Variants in DDX31 observed in about 807,000 individuals in gnomAD.
The protein encoded by DDX31 is DEAD-box helicase 31.
Under a neutral mutation model 91.3 loss-of-function variants are expected in DDX31, and 70 were observed. The observed-to-expected ratio is 0.77, with a 90% confidence interval of 0.63 to 0.94. DDX31 has a LOEUF of 0.94. Among genes scored for constraint, DDX31 ranks in the 40% least tolerant of loss-of-function variants. The probability of loss-of-function intolerance (pLI) is 0.00; values close to 1 mark genes in which losing one functional copy is unlikely to be tolerated. For synonymous variants in DDX31, 362 were observed against 350.6 expected (o/e 1.03, Z -0.36); for missense variants, 902 against 925.0 (o/e 0.98, Z 0.32).
intron 14 of DDX31, among the ~76,000 whole-genome samples, chr9:132,640,418 A>G (rs1412670485): frequency 6.6e-6 from 1 of 152,208 alleles, no homozygotes. Flanking sequence ...AAGGGGGAGT[A>G]GGGTGAAAAG....
At position 132,649,795 on chromosome 9, in the gene DDX31, T is replaced by C. The variant is rs556298402; in HGVS notation, c.740+439A>G. ...TGCAACGATTTTCAACTGACACCCA[T>C]TACAAATCCTAATAAAGGAACAAAC... On this transcript the variant is annotated intron_variant, in intron 9 of 19. Coordinates refer to ENST00000372159, the MANE Select transcript of DDX31 (RefSeq NM_022779.9). Among the ~76,000 whole-genome samples the C allele has an allele frequency of 1.5e-4, 23 of 152,326 alleles. No individual in the cohort carries two copies. In the South Asian group the frequency reaches 4.3e-3, roughly 29 times the overall value.
intron 19 of DDX31, among the ~76,000 whole-genome samples, chr9:132,604,344 T>C (rs1830888571): frequency 6.6e-6 from 1 of 152,152 alleles, no homozygotes. Flanking sequence ...TTAAGAGAAA[T>C]GCCCTAAAGA....
chr9:132,647,947 C>T (rs1008964845), intron 11 of DDX31, among the ~76,000 whole-genome samples: 9 of 152,178 alleles, frequency 5.9e-5, no homozygotes, highest in African/African-American at 2.2e-4. Flanking sequence ...TTTTCTCGTC[C>T]TCATCCCTGC....
At chr9:132,632,551 T>C (rs1172931987) in intron 14 of DDX31, among the ~76,000 whole-genome samples, 6 of 152,108 alleles carry the variant, frequency 3.9e-5, no homozygotes, top group Non-Finnish European at 8.8e-5. Flanking sequence ...AACACATTCA[T>C]GGATTATCAC....
chr9:132,613,026 C>T (rs180743680), intron 18 of DDX31, among the ~76,000 whole-genome samples: 21 of 152,250 alleles, frequency 1.4e-4, no homozygotes, highest in Admixed American at 9.2e-4. Flanking sequence ...AATCCTTGTG[C>T]CTCAGACTAC....
At position 132,669,875 on chromosome 9, in the gene DDX31, TGG is replaced by T; in HGVS notation, c.58_59del (p.Pro20SerfsTer19). On this transcript the variant is annotated frameshift_variant, in exon 1 of 20. Transcript: ENST00000372159. LOFTEE classifies it high-confidence loss of function. ...CAGAACTCACCCGACTCGCCTGGGC[TGG>T]GGGACGTCTGGAGAACGTCCTGGGG... ...DNPRTFSRRP[P>X]AQASRQAKAT... 1 of 1,592,354 alleles carries T rather than the reference TGG, an allele frequency of 6.3e-7. No individual in the cohort carries two copies. Among genetic ancestry groups the T allele is most frequent in the Non-Finnish European group, 8.5e-7 (1 of 1,170,616 alleles).
intron 19 of DDX31, among the ~76,000 whole-genome samples, chr9:132,603,098 T>TAA (rs1162863344): frequency 2.0e-5 from 3 of 152,296 alleles, no homozygotes; most frequent in Admixed American, 2.0e-4. Flanking sequence ...CTCAGTGAGA[T>TAA]AATGTGCATG....
intron 9 of DDX31, among the ~76,000 whole-genome samples, chr9:132,649,461 T>C (rs1304487170): frequency 1.6e-4 from 25 of 152,200 alleles, no homozygotes; most frequent in Admixed American, 1.5e-3. Flanking sequence ...AATCCTCCCA[T>C]AGTGGCACAA....
In DDX31 at chr9:132,595,141, A is replaced by C. The variant is rs1248092586; in HGVS notation, c.1995-29T>G. 6.3e-7 allele frequency: 1 copy of C among 1,588,954 alleles called. No individual in the cohort carries two copies. Among genetic ancestry groups the C allele is most frequent in the Non-Finnish European group, 8.6e-7 (1 of 1,166,864 alleles). Reference sequence around the variant, plus strand: ...AAGAACAGTAACAGCAGAGAGGGAAAAGAAACTTTATTATTTTTCTTTCCC... The same window carrying C: ...AAGAACAGTAACAGCAGAGAGGGAACAGAAACTTTATTATTTTTCTTTCCC... On this transcript the variant is annotated intron_variant, in intron 19 of 19. Transcript: ENST00000372159. This position sits in a 1 kb window ranked among gnomAD's most constrained non-coding sequence, Gnocchi z 4.6.
At chr9:132,621,542 T>C (rs1378861291) in intron 17 of DDX31, among the ~76,000 whole-genome samples, 2 of 152,184 alleles carry the variant, frequency 1.3e-5, no homozygotes, top group Admixed American at 6.5e-5. Context: ...AAAGGGACAT[T>C]TACCATGGGC....
At chr9:132,647,310 T>C (rs919318593) in intron 11 of DDX31, among the ~76,000 whole-genome samples, 3 of 152,152 alleles carry the variant, frequency 2.0e-5, no homozygotes, top group Non-Finnish European at 4.4e-5. Flanking sequence ...TAGCAACAGA[T>C]ACTGCGCCCA....
In DDX31 at chr9:132,648,203, G is replaced by A. The variant is rs1256461273; in HGVS notation, c.953C>T (p.Ala318Val). The A allele has an allele frequency of 3.7e-6, 6 of 1,613,180 alleles. No individual in the cohort carries two copies. Among genetic ancestry groups the A allele is most frequent in the East Asian group, 2.2e-5 (1 of 44,882 alleles). The change falls in exon 11 of 20, where the codon GCG becomes GTG. Residue 318 changes from alanine (A) to valine (V), a missense_variant. Physicochemically the swap from Ala to Val is moderately conservative, Grantham distance 64. Coordinates refer to ENST00000372159, the MANE Select transcript of DDX31 (RefSeq NM_022779.9). ...CQKRQNVLLS[A>V]TLTEGVTRLA... is the part of the protein sequence containing the mutation. ...TTTCAACTCACCTTCTGTGAGTGTC[G>A]CTGATAGCAAGACATTCTGTCGTTT...
rs988502950 is a variant in DDX31 at position 132,628,137 on chromosome 9, G to A, written c.1631+2127C>T. Among the ~76,000 whole-genome samples the A allele has an allele frequency of 2.6e-5, 4 of 152,234 alleles. 1 individual carries two copies. Among genetic ancestry groups the A allele is most frequent in the South Asian group, 4.1e-4 (2 of 4,836 alleles). On this transcript the variant is annotated intron_variant, in intron 16 of 19. Coordinates refer to ENST00000372159, the MANE Select transcript of DDX31 (RefSeq NM_022779.9). The stretch of plus-strand genomic sequence containing the variant: ...GGGAAGAACAATGCATGACTGCAAC[G>A]TAATAACCCAGATTCTGATGTCTGT...
chr9:132,638,570 C>G (rs981016781), intron 14 of DDX31, among the ~76,000 whole-genome samples: 5 of 152,196 alleles, frequency 3.3e-5, no homozygotes, highest in African/African-American at 1.2e-4. Context: ...GAGGACTCCT[C>G]GTCTTTCACA....
rs570899798 is a variant in DDX31 at position 132,629,853 on chromosome 9, G to A, written c.1631+411C>T. On this transcript the variant is annotated intron_variant, in intron 16 of 19. Coordinates refer to ENST00000372159, the MANE Select transcript of DDX31 (RefSeq NM_022779.9). ...CATTTCCCCTGGGTTCATCTTCCTG[G>A]GGGAGGGAAATTGTGTGATGAGTAA... is the stretch of plus-strand genomic sequence containing the variant. Among the ~76,000 whole-genome samples, 8 of 152,286 alleles carry A rather than the reference G, an allele frequency of 5.3e-5. No individual in the cohort carries two copies. In the South Asian group the frequency reaches 1.7e-3, roughly 32 times the overall value.
intron 15 of DDX31, among the ~76,000 whole-genome samples, chr9:132,631,369 A>G (rs1832708395): frequency 6.6e-6 from 1 of 152,184 alleles, no homozygotes; most frequent in East Asian, 1.9e-4. Flanking sequence ...GCAGGAAAGA[A>G]GACACAATGC....
chr9:132,667,109 A>G (rs371308656), intron 1 of DDX31, among the ~76,000 whole-genome samples: 1 of 151,784 alleles, frequency 6.6e-6, no homozygotes, highest in Non-Finnish European at 1.5e-5. Context: ...TCGGCCTCCC[A>G]AAGTGATGAG....
intron 19 of DDX31, among the ~76,000 whole-genome samples, chr9:132,598,110 A>G (rs1830536058): frequency 6.6e-6 from 1 of 152,140 alleles, no homozygotes; most frequent in African/African-American, 2.4e-5. Flanking sequence ...CTTAGGTGGG[A>G]GAAGCTCAGG....
At chr9:132,612,574 G>A (rs1355478504) in intron 18 of DDX31, among the ~76,000 whole-genome samples, 1 of 152,204 alleles carries the variant, frequency 6.6e-6, no homozygotes, top group Non-Finnish European at 1.5e-5. Flanking sequence ...CAGGCACTCG[G>A]TAGATGTCTG....
Sources: allele counts gnomAD v4.1 joint callset (sites outside exome capture counted in the v4.1 genomes callset), GRCh38; gene constraint gnomAD v4.1.1; non-coding constraint Gnocchi (gnomAD v3.1); transcripts MANE v1.5; gene names NCBI Gene and HGNC (gene_info 2026-07-23, HGNC 2026-07-21).